The following PTPRM variants were observed in gnomAD, a reference collection of about 807,000 sequenced individuals.
PTPRM encodes the protein protein tyrosine phosphatase receptor type M.
PTPRM carries 47 observed loss-of-function variants against 186.7 expected under a neutral mutation model. That is an observed-to-expected ratio of 0.25 (90% CI 0.20 to 0.32). PTPRM has a LOEUF of 0.32. PTPRM is among the 10% of genes least tolerant of loss of function. The probability of loss-of-function intolerance (pLI) is 1.00; values close to 1 mark genes in which losing one functional copy is unlikely to be tolerated. For missense variants in PTPRM, 1,494 were observed against 1,865.0 expected, an observed-to-expected ratio of 0.80 and a Z score of 3.66; for synonymous variants, 668 against 674.9, an observed-to-expected ratio of 0.99 and a Z score of 0.16.
At chr18:8,163,730 A>G (rs1568448439) in intron 14 of PTPRM, among the ~76,000 whole-genome samples, 1 of 152,344 alleles carries the variant, frequency 6.6e-6, no homozygotes, top group South Asian at 2.1e-4. Flanking sequence ...TCATAGTTTC[A>G]GTGGTCAAAA....
intron 2 of PTPRM, among the ~76,000 whole-genome samples, chr18:7,819,290 C>T (rs1025088825): frequency 3.4e-5 from 2 of 59,028 alleles, no homozygotes; most frequent in South Asian, 1.5e-3. Flanking sequence ...CCTTCCTGTG[C>T]CTATAAAAAC....
intron 14 of PTPRM, among the ~76,000 whole-genome samples, chr18:8,219,734 T>G (rs927472786): frequency 6.6e-6 from 1 of 152,170 alleles, no homozygotes; most frequent in Admixed American, 6.6e-5. Flanking sequence ...GGAACAAAAC[T>G]TGGTCTAAAA....
chr18:7,858,344 G>A (rs1323021505), intron 2 of PTPRM, among the ~76,000 whole-genome samples: 4 of 152,058 alleles, frequency 2.6e-5, no homozygotes, highest in Non-Finnish European at 5.9e-5. Context: ...ATCACTTGAG[G>A]CTGGGAGTTC....
chr18:7,859,162 G>A (rs757928412), intron 2 of PTPRM, among the ~76,000 whole-genome samples: 14 of 152,178 alleles, frequency 9.2e-5, no homozygotes, highest in Non-Finnish European at 1.6e-4. Context: ...TAAAGCTGAC[G>A]CCAACTGTTT....
At chr18:7,814,776 T>G (rs1014454410) in intron 2 of PTPRM, 1 of 152,234 alleles carries the variant, frequency 6.6e-6, no homozygotes, top group Admixed American at 6.5e-5. Flanking sequence ...TCTTTTGTCT[T>G]TTCTCATGTC....
chr18:8,010,456 A>G lies in PTPRM; in HGVS notation c.1132+55042A>G, dbSNP rs140297372. Among the ~76,000 whole-genome samples the G allele has an allele frequency of 9.6e-3, 1,468 of 152,304 alleles. 7 individuals carry two copies. The highest frequency in any genetic ancestry group is 0.033 in the South Asian group (161 of 4,826). On this transcript the variant is annotated intron_variant, in intron 7 of 32. Coordinates refer to ENST00000580170, the MANE Select transcript of PTPRM (RefSeq NM_001105244.2). ...AAATGTCCTGTTCCCTAAACCACTG[A>G]GTTTTGTTTTCATGGTCTCACAGCC...
intron 13 of PTPRM, among the ~76,000 whole-genome samples, chr18:8,126,201 T>C (rs569932657): frequency 2.1e-4 from 31 of 150,842 alleles, no homozygotes; most frequent in Non-Finnish European, 3.8e-4. Flanking sequence ...TGATGACCTG[T>C]CTTACTAAAT....
chr18:8,132,463 A>T (rs561156603), intron 13 of PTPRM, among the ~76,000 whole-genome samples: 21 of 152,320 alleles, frequency 1.4e-4, no homozygotes, highest in African/African-American at 5.1e-4. Flanking sequence ...CCATGGTAGG[A>T]TCATAGGACT....
At chr18:7,843,927 C>T (rs548829010) in intron 2 of PTPRM, among the ~76,000 whole-genome samples, 3 of 152,270 alleles carry the variant, frequency 2.0e-5, no homozygotes, top group African/African-American at 7.2e-5. Flanking sequence ...CAGGTGTGGA[C>T]CACCTGGGGC....
At chr18:8,127,995 A>C (rs889904919) in intron 13 of PTPRM, among the ~76,000 whole-genome samples, 56 of 152,300 alleles carry the variant, frequency 3.7e-4, no homozygotes, top group African/African-American at 1.3e-3. Flanking sequence ...GTAAGTGGGT[A>C]ATGAACTAAG....
chr18:8,214,963 A>G (rs964526604), intron 14 of PTPRM, among the ~76,000 whole-genome samples: 2 of 152,202 alleles, frequency 1.3e-5, no homozygotes, highest in African/African-American at 2.4e-5. Context: ...ATCCTTGATA[A>G]TGATTTAAAT....
intron 14 of PTPRM, among the ~76,000 whole-genome samples, chr18:8,224,159 G>A (rs1303790380): frequency 6.6e-6 from 1 of 152,246 alleles, no homozygotes; most frequent in Non-Finnish European, 1.5e-5. Flanking sequence ...ATTAGTTAGA[G>A]AAAGATAATT....
chr18:7,950,944 AGTT>A (rs2052910225), intron 6 of PTPRM, among the ~76,000 whole-genome samples: 1 of 152,154 alleles, frequency 6.6e-6, no homozygotes, highest in Non-Finnish European at 1.5e-5. Flanking sequence ...TGCCAGTGTT[AGTT>A]AGTCACACGT....
chr18:8,101,115 A>G (rs2091273298), intron 11 of PTPRM, among the ~76,000 whole-genome samples: 1 of 152,236 alleles, frequency 6.6e-6, no homozygotes, highest in South Asian at 2.1e-4. Context: ...GTTTATAGAT[A>G]ACAGCTCATT....
intron 1 of PTPRM, among the ~76,000 whole-genome samples, chr18:7,638,173 C>T (rs1302407664): frequency 6.6e-6 from 1 of 152,138 alleles, no homozygotes; most frequent in Non-Finnish European, 1.5e-5. Flanking sequence ...GAGATAGTCA[C>T]ATTTCCTAGA....
chr18:7,965,427 G>A (rs2053969836), intron 7 of PTPRM, among the ~76,000 whole-genome samples: 1 of 152,122 alleles, frequency 6.6e-6, no homozygotes, highest in Non-Finnish European at 1.5e-5. Context: ...AGGTGCGCTG[G>A]GAGACATGTT....
rs2094456916 is a variant in PTPRM at position 8,244,204 on chromosome 18, G to A, written c.2447G>A (p.Gly816Glu). 6.4e-7 allele frequency: 1 copy of A among 1,561,182 alleles called. No individual in the cohort carries two copies. The highest frequency in any genetic ancestry group is 8.6e-7 in the Non-Finnish European group (1 of 1,160,282). ...FSFMDTHNLN[G>E]RSVSSPSSFT... ...TTCATGGACACGCACAATCTGAATG[G>A]GAGATGTAAGTGCATATGTTTCTTG... The change falls in exon 15 of 33, where the codon GGG becomes GAG. Residue 816 changes from glycine (G) to glutamate (E), a missense_variant. This residue lies in a region of PTPRM where 1,107 missense variants were observed against 1,350.2 expected (regional missense o/e 0.82). Coordinates refer to ENST00000580170, the MANE Select transcript of PTPRM (RefSeq NM_001105244.2).
At chr18:8,133,709 G>A (rs1406573888) in intron 13 of PTPRM, among the ~76,000 whole-genome samples, 1 of 152,140 alleles carries the variant, frequency 6.6e-6, no homozygotes, top group African/African-American at 2.4e-5. Context: ...TCCGTTTGGT[G>A]TATTTCAGAA....
At chr18:8,058,009 G>C (rs1379380603) in intron 7 of PTPRM, among the ~76,000 whole-genome samples, 1 of 49,336 alleles carries the variant, frequency 2.0e-5, no homozygotes, top group East Asian at 6.8e-4. Context: ...TCTAGTTCTA[G>C]ATCCCTGAGG....
Sources: allele counts gnomAD v4.1 joint callset (sites outside exome capture counted in the v4.1 genomes callset), GRCh38; gene constraint gnomAD v4.1.1; regional missense constraint gnomAD v4.1.1; transcripts MANE v1.5; gene names NCBI Gene and HGNC (gene_info 2026-07-23, HGNC 2026-07-21).